LRRK2: variants seen among roughly 807,000 people sequenced by gnomAD.
LRRK2 encodes leucine rich repeat kinase 2.
LRRK2 carries 203 observed loss-of-function variants against 302.6 expected under a neutral mutation model. The observed-to-expected ratio is 0.67, with a 90% CI of 0.60 to 0.75. The LOEUF (loss-of-function observed/expected upper bound fraction) is 0.75, where lower values mean the gene tolerates loss of function less well. Ranked by LOEUF, LRRK2 falls within the 30% of genes least tolerant of loss-of-function variation. LRRK2 has a pLI of 0.00. For synonymous variants in LRRK2, 1,066 were observed against 1,031.9 expected, an observed-to-expected ratio of 1.03 and a Z score of -0.63; for missense variants, 2,830 against 2,951.0, an observed-to-expected ratio of 0.96 and a Z score of 0.95.
intron 41 of LRRK2, among the ~76,000 whole-genome samples, chr12:40,343,611 C>A (rs547078529): frequency 4.6e-5 from 7 of 152,040 alleles, no homozygotes; most frequent in Admixed American, 2.0e-4. Context: ...TTACTTATTG[C>A]GTTTGTTAAA....
chr12:40,355,687 C>T (rs1163403813), intron 45 of LRRK2, among the ~76,000 whole-genome samples: 18 of 152,024 alleles, frequency 1.2e-4, no homozygotes, highest in Admixed American at 6.6e-5. Flanking sequence ...GGATTACAGG[C>T]GTGCACCACC....
chr12:40,234,360 C>A (rs1357467352), intron 3 of LRRK2, among the ~76,000 whole-genome samples: 1 of 137,892 alleles, frequency 7.3e-6, no homozygotes, highest in Non-Finnish European at 1.5e-5. Flanking sequence ...TATTGATATG[C>A]TAAATTCACT....
In LRRK2 at chr12:40,363,320, A is replaced by T. The variant is rs1485270379; in HGVS notation, c.7029-82A>T. On this transcript the variant is annotated intron_variant, in intron 47 of 50. Coordinates refer to ENST00000298910, the MANE Select transcript of LRRK2 (RefSeq NM_198578.4). ...TTCAAAATAGTGTTTTTACATTAAG[A>T]ACTAATATAAGGTTGTATTACACGT... The T allele has an allele frequency of 5.5e-6, 7 of 1,282,538 alleles. No individual in the cohort carries two copies. The Admixed American group carries it at 1.4e-4, about 26-fold the overall frequency. The allele number at this position is 1,282,538 out of a possible 1,614,324, so 79.4% of individuals were successfully genotyped here.
At position 40,294,842 on chromosome 12, in the gene LRRK2, T is replaced by C; in HGVS notation, c.2809-3T>C. 1 of 1,498,124 alleles carries C rather than the reference T, an allele frequency of 6.7e-7. No individual in the cohort carries two copies. The highest frequency in any genetic ancestry group is 1.2e-5 in the South Asian group (1 of 86,118). 92.8% of individuals were successfully genotyped at this position (1,498,124 alleles called of 1,614,324 possible). On this transcript the variant is annotated splice_polypyrimidine_tract_variant and splice_region_variant and intron_variant, in intron 21 of 50. Transcript: ENST00000298910. Reference sequence around the variant, plus strand: ...AATTTTATTATAAATTATTTTTTAATAGGGGCCCATTTTTGATCATGAAGA... The same window carrying C: ...AATTTTATTATAAATTATTTTTTAACAGGGGCCCATTTTTGATCATGAAGA...
rs1373479164 is a variant in LRRK2 at position 40,342,645 on chromosome 12, T to A, written c.6109+2191T>A. Among the ~76,000 whole-genome samples the A allele has an allele frequency of 2.0e-5, 3 of 152,138 alleles. No individual in the cohort carries two copies. In the East Asian group the frequency reaches 5.8e-4, roughly 29 times the overall value. ...GCTACTACTACTACCATCACCAAAC[T>A]TTTTCTTCCCCAAAGCAGTTCTGTT... On this transcript the variant is annotated intron_variant, in intron 41 of 50. Transcript: ENST00000298910.
In LRRK2 at chr12:40,287,400, T is replaced by C. The variant is rs1184525152; in HGVS notation, c.2550T>C (p.Ser850=). 2 of 1,612,820 alleles carry C rather than the reference T, an allele frequency of 1.2e-6. No individual in the cohort carries two copies. The highest frequency in any genetic ancestry group is 1.7e-6 in the Non-Finnish European group (2 of 1,179,134). ...ARMVIRYQMK[S]AVEEGTASGS... is the part of the protein sequence containing the mutation. ...TGGTGATCAGATATCAGATGAAAAG[T>C]GCTGTGGAAGAAGGAACAGCCTCAG... Residue 850 remains serine, a synonymous_variant, in exon 20 of 51, where the codon AGT becomes AGC. Coordinates refer to ENST00000298910, the MANE Select transcript of LRRK2 (RefSeq NM_198578.4).
At chr12:40,238,216 TAAG>T in intron 5 of LRRK2, 113 bp downstream of exon 5, 1 of 1,103,050 alleles carries the variant, frequency 9.1e-7, no homozygotes, top group Non-Finnish European at 1.3e-6. Context: ...TACTATTTAT[TAAG>T]AAGTGGGAGT....
chr12:40,341,119 T>C (rs1010948652), intron 41 of LRRK2, among the ~76,000 whole-genome samples: 16 of 152,174 alleles, frequency 1.1e-4, no homozygotes, highest in Non-Finnish European at 2.2e-4. Context: ...CAGTGCTCTG[T>C]ACAGACATGT....
chr12:40,330,047 G>A (rs1208019231), intron 39 of LRRK2, among the ~76,000 whole-genome samples: 1 of 152,222 alleles, frequency 6.6e-6, no homozygotes, highest in Non-Finnish European at 1.5e-5. Context: ...AAACAGGAGA[G>A]ATGGATTTCT....
intron 41 of LRRK2, among the ~76,000 whole-genome samples, chr12:40,342,540 G>C (rs910169674): frequency 2.7e-5 from 3 of 110,814 alleles, no homozygotes; most frequent in Non-Finnish European, 5.7e-5. Flanking sequence ...ATTTATTATT[G>C]TTAGAGCACT....
chr12:40,300,678 C>A, intron 25 of LRRK2: 1 of 408,008 alleles, frequency 2.5e-6, no homozygotes, highest in Admixed American at 2.8e-5. Flanking sequence ...GTTGTTGACT[C>A]ACTCACTAGT....
Position 40,278,144 on chromosome 12 carries a change from A to T in LRRK2, c.2124A>T (p.Leu708Phe), listed in dbSNP as rs760381722. The T allele has an allele frequency of 5.6e-6, 9 of 1,614,020 alleles. No homozygotes were observed. The African/African-American group carries it at 9.3e-5, about 17-fold the overall frequency. The part of the protein sequence containing the change: ...CFAKVAMDDY[L>F]KNVMLERACD... ...CAAAAGTAGCTATGGATGATTACTT[A>T]AAAAATGTGATGCTAGAGAGAGCGT... The change falls in exon 18 of 51, where the codon TTA becomes TTT. Residue 708 changes from leucine (L) to phenylalanine (F), a missense_variant. This residue lies in a region of LRRK2 where 2,121 missense variants were observed against 2,148.0 expected (regional missense o/e 0.99). Transcript: ENST00000298910.
chr12:40,369,194 C>G lies in LRRK2; in HGVS notation c.*1429C>G, dbSNP rs142051987. ...TCCAGTGTTATCTCTTTCATTGTTACTTTGTATTTGCAATTTTTTTTACCA... is the reference window on the plus strand; with the variant it reads ...TCCAGTGTTATCTCTTTCATTGTTAGTTTGTATTTGCAATTTTTTTTACCA... On this transcript the variant is annotated 3_prime_UTR_variant, in exon 51 of 51. Transcript: ENST00000298910. The G allele has an allele frequency of 9.9e-5, 15 of 151,576 alleles. No homozygotes were observed. In the East Asian group the frequency reaches 2.9e-3, roughly 29 times the overall value. 9.4% of individuals were successfully genotyped at this position (151,576 alleles called of 1,614,324 possible).
chr12:40,225,401 C>T (rs1344997874), intron 1 of LRRK2, 119 bp downstream of exon 1: 2 of 1,334,418 alleles, frequency 1.5e-6, no homozygotes, highest in Non-Finnish European at 2.1e-6. Context: ...TAAGGAGCCG[C>T]AAACTCCCAT....
intron 12 of LRRK2, 84 bp from the exon 13 acceptor site, chr12:40,259,396 C>A (rs558284763): frequency 1.3e-6 from 2 of 1,535,398 alleles, no homozygotes; most frequent in Admixed American, 1.7e-5. Flanking sequence ...ATTGGTTCTG[C>A]CCTCCTGTAC....
intron 47 of LRRK2, among the ~76,000 whole-genome samples, chr12:40,361,296 C>T (rs1946698482): frequency 6.6e-6 from 1 of 152,032 alleles, no homozygotes; most frequent in Non-Finnish European, 1.5e-5. Flanking sequence ...CATTCTCATT[C>T]TGTAATACCC....
rs759115561 is a variant in LRRK2, at chr12:40,226,916, A to G, written c.237+1276A>G. 8.5e-5 allele frequency among the ~76,000 whole-genome samples: 13 copies of G among 152,194 alleles called. No individual in the cohort carries two copies. In the Middle Eastern group the frequency reaches 0.01, roughly 119 times the overall value. On this transcript the variant is annotated intron_variant, in intron 2 of 50. Transcript: ENST00000298910. ...ATTCCCTAGACTCTGTACTTGATAG[A>G]GTCACTCCTGCTTGATACTGCTCAG...
intron 20 of LRRK2, among the ~76,000 whole-genome samples, chr12:40,290,062 T>C (rs974105432): frequency 3.3e-5 from 5 of 151,994 alleles, no homozygotes; most frequent in Non-Finnish European, 7.4e-5. Flanking sequence ...ACATTATCTG[T>C]AGTTTTTCAT....
chr12:40,306,423 TCTA>T (rs1944826346), intron 28 of LRRK2, among the ~76,000 whole-genome samples: 1 of 152,188 alleles, frequency 6.6e-6, no homozygotes, highest in Non-Finnish European at 1.5e-5. Flanking sequence ...GGATGAGTAA[TCTA>T]CTCACCTTGA....
Sources: gnomAD v4.1 joint callset for allele counts (sites outside exome capture counted in the v4.1 genomes callset) on GRCh38, gnomAD v4.1.1 for gene constraint, gnomAD v4.1.1 regional missense constraint, MANE v1.5 for transcripts, NCBI Gene and HGNC (gene_info 2026-07-23, HGNC 2026-07-21) for gene names.